Variants in CLVS1 observed in about 807,000 individuals in gnomAD.
CLVS1 encodes clavesin-1.
A neutral mutation model predicts 33.1 loss-of-function variants in CLVS1; 10 were observed. That is an observed-to-expected ratio of 0.30 (90% CI 0.19 to 0.51). The LOEUF (loss-of-function observed/expected upper bound fraction) is 0.51, where lower values mean the gene tolerates loss of function less well. Ranked by LOEUF, CLVS1 falls within the 20% of genes least tolerant of loss-of-function variation. CLVS1 has a pLI of 0.97. For synonymous variants in CLVS1, 163 were observed against 166.1 expected, an observed-to-expected ratio of 0.98 and a Z score of 0.14; for missense variants, 343 against 433.4, an observed-to-expected ratio of 0.79 and a Z score of 1.85.
intron 2 of CLVS1, among the ~76,000 whole-genome samples, chr8:61,347,357 C>T (rs1422131131): frequency 6.6e-6 from 1 of 151,874 alleles, no homozygotes; most frequent in East Asian, 1.9e-4. Context: ...ATGGTGGAAA[C>T]GAGACCTGAC....
chr8:61,068,197 A>ATG (rs199887531), intron 1 of CLVS1, among the ~76,000 whole-genome samples: 6,823 of 120,618 alleles, frequency 0.057, 220 homozygotes, highest in Middle Eastern at 0.11. Context: ...ATATGTGTAT[A>ATG]TGTATATATA....
At chr8:61,350,848 C>T (rs1812427239) in intron 2 of CLVS1, among the ~76,000 whole-genome samples, 1 of 152,120 alleles carries the variant, frequency 6.6e-6, no homozygotes, top group Admixed American at 6.6e-5. Flanking sequence ...CTGCACCTCT[C>T]TCTGGCTGTG....
chr8:60,975,397 G>A, the CLVS1 span, among the ~76,000 whole-genome samples: 1 of 152,238 alleles, frequency 6.6e-6, no homozygotes, highest in Admixed American at 6.5e-5. Context: ...CTTGAGATGA[G>A]ATTATCTTGG....
intron 1 of CLVS1, among the ~76,000 whole-genome samples, chr8:61,127,110 A>C (rs1805989694): frequency 6.6e-6 from 1 of 152,218 alleles, no homozygotes; most frequent in South Asian, 2.1e-4. Flanking sequence ...CTGGGTAAAC[A>C]TAAAGCTTTA....
chr8:61,340,025 G>A (rs1333690323), intron 2 of CLVS1, among the ~76,000 whole-genome samples: 2 of 126,644 alleles, frequency 1.6e-5, no homozygotes, highest in Non-Finnish European at 1.7e-5. Flanking sequence ...AGAAAGAAAG[G>A]AAAAGAAAGA....
chr8:61,430,780 A>T (rs1356600942), intron 3 of CLVS1, among the ~76,000 whole-genome samples: 2 of 152,266 alleles, frequency 1.3e-5, no homozygotes, highest in African/African-American at 4.8e-5. Flanking sequence ...ACTCTAATGG[A>T]CAGTGCACTT....
At chr8:61,348,000 T>G (rs774763980) in intron 2 of CLVS1, among the ~76,000 whole-genome samples, 15 of 151,770 alleles carry the variant, frequency 9.9e-5, no homozygotes, top group Non-Finnish European at 1.9e-4. Flanking sequence ...TCAGCGATTT[T>G]CAATGTACAA....
intron 1 of CLVS1, among the ~76,000 whole-genome samples, chr8:61,102,299 C>T (rs530677893): frequency 2.6e-4 from 39 of 152,130 alleles, no homozygotes; most frequent in Middle Eastern, 3.4e-3. Context: ...TAGTTTTTCA[C>T]GGTATAAGTT....
At chr8:61,032,645 T>C in the CLVS1 span, among the ~76,000 whole-genome samples, 2 of 152,124 alleles carry the variant, frequency 1.3e-5, no homozygotes, top group African/African-American at 4.8e-5. Flanking sequence ...ACTGCTTCTC[T>C]CTCTGTGAAG....
At chr8:61,106,050 G>A (rs1441391795) in intron 1 of CLVS1, among the ~76,000 whole-genome samples, 1 of 152,196 alleles carries the variant, frequency 6.6e-6, no homozygotes, top group Non-Finnish European at 1.5e-5. Flanking sequence ...TTCCTATCAT[G>A]CTATAGTTAT....
intron 1 of CLVS1, among the ~76,000 whole-genome samples, chr8:61,096,692 A>C (rs1172394792): frequency 6.6e-6 from 1 of 152,126 alleles, no homozygotes; most frequent in South Asian, 2.1e-4. Context: ...ACTCTAAGTG[A>C]GTGAGCCTGG....
the CLVS1 span, among the ~76,000 whole-genome samples, chr8:60,988,379 C>T: frequency 6.6e-6 from 1 of 152,134 alleles, no homozygotes; most frequent in Non-Finnish European, 1.5e-5. Flanking sequence ...GACAGCTTCT[C>T]TCCAGCTCCC....
Position 61,440,544 on chromosome 8 carries a change from C to G in CLVS1, c.631-13597C>G, listed in dbSNP as rs182360210. Among the ~76,000 whole-genome samples the G allele has an allele frequency of 5.3e-5, 8 of 152,280 alleles. 1 individual carries two copies. The East Asian group carries it at 1.5e-3, about 29-fold the overall frequency. ...TCATTCTTCCTTCTCCAAGAGACAC[C>G]ATGATCTTATTTGAATTGTTGAATA... On this transcript the variant is annotated intron_variant, in intron 3 of 5. Coordinates refer to ENST00000325897, the MANE Select transcript of CLVS1 (RefSeq NM_173519.3).
intron 2 of CLVS1, among the ~76,000 whole-genome samples, chr8:61,257,250 T>C (rs1809102266): frequency 6.6e-6 from 1 of 152,176 alleles, no homozygotes; most frequent in Non-Finnish European, 1.5e-5. Flanking sequence ...AGCAACCAAA[T>C]ACTGATAAAA....
At chr8:61,214,803 AT>A (rs1232455522) in intron 2 of CLVS1, among the ~76,000 whole-genome samples, 1 of 152,160 alleles carries the variant, frequency 6.6e-6, no homozygotes, top group African/African-American at 2.4e-5. Flanking sequence ...CAAAGAATGC[AT>A]TGACCATATA....
At chr8:61,172,411 A>T (rs1807021240) in intron 2 of CLVS1, among the ~76,000 whole-genome samples, 1 of 152,202 alleles carries the variant, frequency 6.6e-6, no homozygotes, top group African/African-American at 2.4e-5. Context: ...TTATGACAGA[A>T]AATTGTTATT....
chr8:61,250,401 G>C (rs997624802), intron 2 of CLVS1, among the ~76,000 whole-genome samples: 1 of 152,120 alleles, frequency 6.6e-6, no homozygotes, highest in Non-Finnish European at 1.5e-5. Context: ...GGCAATGTGG[G>C]CTCTTTTTTG....
chr8:61,418,675 G>A (rs144721050), intron 3 of CLVS1, among the ~76,000 whole-genome samples: 2,121 of 152,226 alleles, frequency 0.014, 49 homozygotes, highest in South Asian at 0.074. Flanking sequence ...TATGAAATGA[G>A]ACTCATGAAA....
intron 2 of CLVS1, among the ~76,000 whole-genome samples, chr8:61,217,907 G>C (rs1044195614): frequency 1.3e-5 from 2 of 152,052 alleles, no homozygotes; most frequent in African/African-American, 4.8e-5. Flanking sequence ...AGAAAAACTT[G>C]ACATAATTAA....
Sources: gnomAD v4.1 joint callset for allele counts (sites outside exome capture counted in the v4.1 genomes callset) on GRCh38, gnomAD v4.1.1 for gene constraint, MANE v1.5 for transcripts, NCBI Gene and HGNC (gene_info 2026-07-23, HGNC 2026-07-21) for gene names.